Variants in KCNQ3 observed in about 807,000 individuals in gnomAD.
KCNQ3 encodes potassium voltage-gated channel subfamily Q member 3.
Under a neutral mutation model 92.5 loss-of-function variants are expected in KCNQ3, and 30 were observed. That is an observed-to-expected ratio of 0.32 (90% CI 0.24 to 0.44). KCNQ3 has a LOEUF of 0.44. Among genes scored for constraint, KCNQ3 ranks in the 20% least tolerant of loss-of-function variants. The pLI, the probability that KCNQ3 is intolerant of heterozygous loss-of-function variation, is 1.00. For synonymous variants in KCNQ3, 450 were observed against 468.8 expected, an observed-to-expected ratio of 0.96 and a Z score of 0.52; for missense variants, 913 against 1,140.3, an observed-to-expected ratio of 0.80 and a Z score of 2.87.
intron 1 of KCNQ3, among the ~76,000 whole-genome samples, chr8:132,456,040 C>T (rs992074503): frequency 5.3e-5 from 8 of 152,104 alleles, no homozygotes; most frequent in South Asian, 2.1e-4. Context: ...CCACCGTGCC[C>T]GGCCGATGGA....
intron 1 of KCNQ3, among the ~76,000 whole-genome samples, chr8:132,292,109 C>T (rs1347703378): frequency 6.6e-6 from 1 of 152,152 alleles, no homozygotes; most frequent in Middle Eastern, 3.2e-3. Context: ...CTTCACTGAC[C>T]TATTACTACT....
At chr8:132,387,632 T>C (rs1819923266) in intron 1 of KCNQ3, among the ~76,000 whole-genome samples, 1 of 152,128 alleles carries the variant, frequency 6.6e-6, no homozygotes, top group South Asian at 2.1e-4. Flanking sequence ...GGGAAACCCA[T>C]CTGCAATATA....
intron 1 of KCNQ3, among the ~76,000 whole-genome samples, chr8:132,366,016 G>A (rs1819313550): frequency 6.6e-6 from 1 of 152,106 alleles, no homozygotes; most frequent in African/African-American, 2.4e-5. Context: ...GGTTGACAGA[G>A]CCAGACCCTA....
chr8:132,339,721 G>T (rs1199973271), intron 1 of KCNQ3, among the ~76,000 whole-genome samples: 1 of 152,096 alleles, frequency 6.6e-6, no homozygotes, highest in African/African-American at 2.4e-5. Flanking sequence ...CCTGCACTCT[G>T]TTTATGCCTC....
intron 1 of KCNQ3, among the ~76,000 whole-genome samples, chr8:132,281,257 AAC>A (rs1295366211): frequency 6.6e-6 from 1 of 152,122 alleles, no homozygotes; most frequent in Non-Finnish European, 1.5e-5. Flanking sequence ...GTCTCCTGAA[AAC>A]ACAGTTAACT....
intron 1 of KCNQ3, among the ~76,000 whole-genome samples, chr8:132,453,644 T>C (rs1821874547): frequency 6.6e-6 from 1 of 152,068 alleles, no homozygotes; most frequent in Admixed American, 6.5e-5. Context: ...TCCTGTGAGC[T>C]GGATCATGAT....
intron 1 of KCNQ3, among the ~76,000 whole-genome samples, chr8:132,348,912 G>C (rs117825925): frequency 0.012 from 1,763 of 152,304 alleles, 16 homozygotes; most frequent in Non-Finnish European, 0.02. Flanking sequence ...ATTCTGGGGA[G>C]GAAACAGATA....
At chr8:132,478,647 T>C (rs951835480) in intron 1 of KCNQ3, among the ~76,000 whole-genome samples, 4 of 148,384 alleles carry the variant, frequency 2.7e-5, no homozygotes, top group African/African-American at 5.1e-5. Flanking sequence ...CACACACACA[T>C]ACACACGCAC....
At chr8:132,336,030 G>A (rs1026865728) in intron 1 of KCNQ3, among the ~76,000 whole-genome samples, 12 of 152,192 alleles carry the variant, frequency 7.9e-5, no homozygotes, top group African/African-American at 2.2e-4. Flanking sequence ...CTCAAGTGTA[G>A]AAGGGAGCTG....
chr8:132,299,402 T>G (rs1330234140), intron 1 of KCNQ3, among the ~76,000 whole-genome samples: 2 of 152,160 alleles, frequency 1.3e-5, no homozygotes, highest in African/African-American at 4.8e-5. Flanking sequence ...GGAGGTGTTT[T>G]CAGAGCATTT....
intron 1 of KCNQ3, among the ~76,000 whole-genome samples, chr8:132,261,602 T>G (rs1247974162): frequency 6.6e-6 from 1 of 152,114 alleles, no homozygotes; most frequent in African/African-American, 2.4e-5. Context: ...GGTGGCAAGC[T>G]CAGTGGGGAC....
intron 1 of KCNQ3, among the ~76,000 whole-genome samples, chr8:132,392,790 C>CAAAA (rs56183412): frequency 0.12 from 8,706 of 72,432 alleles, 753 homozygotes; most frequent in Non-Finnish European, 0.16. Context: ...GAACCTGTCT[C>CAAAA]AAAAAAAAAA....
At chr8:132,170,576 T>C in intron 7 of KCNQ3, 148 bp from the exon 8 acceptor site, 1 of 651,606 alleles carries the variant, frequency 1.5e-6, no homozygotes, top group Non-Finnish European at 2.7e-6. Context: ...CCGAGATTCT[T>C]GGCTTTTTGA....
intron 1 of KCNQ3, among the ~76,000 whole-genome samples, chr8:132,336,717 T>C (rs1818375883): frequency 6.6e-6 from 1 of 152,168 alleles, no homozygotes; most frequent in Non-Finnish European, 1.5e-5. Flanking sequence ...TCCTCATAAT[T>C]ATTCTGTATG....
intron 1 of KCNQ3, among the ~76,000 whole-genome samples, chr8:132,253,839 G>A (rs932524522): frequency 1.3e-5 from 2 of 152,108 alleles, no homozygotes; most frequent in African/African-American, 4.8e-5. Flanking sequence ...CCTGGCCCTG[G>A]GGCAGAACCT....
chr8:132,215,071 C>G (rs1029528368), intron 1 of KCNQ3, among the ~76,000 whole-genome samples: 9 of 152,108 alleles, frequency 5.9e-5, no homozygotes, highest in African/African-American at 2.2e-4. Context: ...ACCTGTCGTT[C>G]CCCCTGGCTG....
At chr8:132,370,135 C>A (rs770941716) in intron 1 of KCNQ3, among the ~76,000 whole-genome samples, 2 of 152,164 alleles carry the variant, frequency 1.3e-5, no homozygotes, top group Non-Finnish European at 2.9e-5. Context: ...ACGGCTGTTA[C>A]CTCCAGTTTG....
chr8:132,373,572 G>C (rs1324542980), intron 1 of KCNQ3, among the ~76,000 whole-genome samples: 1 of 152,116 alleles, frequency 6.6e-6, no homozygotes, highest in Non-Finnish European at 1.5e-5. Flanking sequence ...CTGAGGCACA[G>C]AGGGATTAAG....
At chr8:132,264,824 A>G (rs539164163) in intron 1 of KCNQ3, among the ~76,000 whole-genome samples, 13 of 152,348 alleles carry the variant, frequency 8.5e-5, no homozygotes, top group African/African-American at 2.9e-4. Context: ...AGGGTTAAAG[A>G]AACTTAGAAA....
Sources: allele counts gnomAD v4.1 joint callset (sites outside exome capture counted in the v4.1 genomes callset), GRCh38; gene constraint gnomAD v4.1.1; transcripts MANE v1.5; gene names NCBI Gene and HGNC (gene_info 2026-07-23, HGNC 2026-07-21).